MACF1: variants seen among roughly 807,000 people sequenced by gnomAD.
MACF1 encodes the protein microtubule-actin cross-linking factor 1.
A neutral mutation model predicts 854.8 loss-of-function variants in MACF1; 193 were observed. The ratio of observed to expected loss-of-function variants is 0.23; its 90% CI spans 0.20 to 0.25. The LOEUF is 0.25. Among genes scored for constraint, MACF1 ranks in the 10% least tolerant of loss-of-function variants. The pLI is 1.00. For synonymous variants in MACF1, 3,185 were observed against 3,226.7 expected, an observed-to-expected ratio of 0.99 and a Z score of 0.44; for missense variants, 7,722 against 8,929.1, an observed-to-expected ratio of 0.86 and a Z score of 5.45.
Position 39,336,027 on chromosome 1 carries a change from C to G in MACF1, c.9439C>G (p.Gln3147Glu). Residue 3147 changes from glutamine to glutamate, a missense_variant, in exon 37 of 101, where the codon CAA (glutamine) becomes GAA (glutamate). Coordinates refer to ENST00000564288, the MANE Select transcript of MACF1 (RefSeq NM_001394062.1). The part of the protein sequence containing the change: ...QGTTRQETNY[Q>E]DSWVTSKTKE... ...AACCACCAGACAGGAGACCAACTAT[C>G]AAGATTCCTGGGTTACTTCGAAAAC... 1 of 1,614,126 alleles carries G rather than the reference C, an allele frequency of 6.2e-7. No homozygotes were observed. Among genetic ancestry groups the G allele is most frequent in the South Asian group, 1.1e-5 (1 of 91,072 alleles).
chr1:39,456,307 C>T (rs933682736), intron 89 of MACF1, among the ~76,000 whole-genome samples: 7 of 152,160 alleles, frequency 4.6e-5, no homozygotes. Flanking sequence ...GCACTCCAGC[C>T]TGGGCGACAG....
intron 2 of MACF1, among the ~76,000 whole-genome samples, chr1:39,095,860 T>G: frequency 6.8e-6 from 1 of 147,820 alleles, no homozygotes; most frequent in African/African-American, 2.5e-5. Flanking sequence ...GGCAACAGAG[T>G]GAGATGGCTG....
intron 37 of MACF1, 88 bp downstream of exon 37, chr1:39,336,741 T>C (rs1343064047): frequency 8.6e-7 from 1 of 1,162,880 alleles, no homozygotes; most frequent in Non-Finnish European, 1.2e-6. Context: ...TTTACATATG[T>C]GTAATTGTAT....
At chr1:39,181,127 C>T (rs1263579032) in intron 2 of MACF1, among the ~76,000 whole-genome samples, 4 of 152,180 alleles carry the variant, frequency 2.6e-5, no homozygotes, top group Admixed American at 2.0e-4. Flanking sequence ...AGGCTGGCTT[C>T]GAACTCCTGG....
chr1:39,401,183 G>C (rs1047177533), intron 58 of MACF1, among the ~76,000 whole-genome samples: 2 of 152,056 alleles, frequency 1.3e-5, no homozygotes, highest in African/African-American at 4.8e-5. Context: ...AGGTTTTTCT[G>C]AGACCATTTT....
chr1:39,410,689 C>A, intron 58 of MACF1: 1 of 1,613,838 alleles, frequency 6.2e-7, no homozygotes, highest in Non-Finnish European at 8.5e-7. Flanking sequence ...ACCCAACTTC[C>A]CAGAATTTGC....
In MACF1 at chr1:39,357,511, T is replaced by C. The variant is rs761934107; in HGVS notation, c.11561T>C (p.Leu3854Pro). ...QQMLQQKLGE[L>P]KEQYSTSLAQ... ...ATGCTGCAACAGAAGCTGGGAGAGC[T>C]AAAGGAACAATACTCTACTTCCCTG... Residue 3854 changes from leucine (L) to proline (P), a missense_variant, in exon 45 of 101, where the codon CTA (leucine) becomes CCA (proline). Physicochemically the swap from Leu to Pro is moderately conservative, Grantham distance 98 (BLOSUM62 -3). Coordinates refer to ENST00000564288, the MANE Select transcript of MACF1 (RefSeq NM_001394062.1). The C allele has an allele frequency of 6.2e-7, 1 of 1,614,016 alleles. No homozygotes were observed. The highest frequency in any genetic ancestry group is 8.5e-7 in the Non-Finnish European group (1 of 1,180,006).
chr1:39,130,724 T>C (rs1379162373), intron 2 of MACF1, among the ~76,000 whole-genome samples: 1 of 152,210 alleles, frequency 6.6e-6, no homozygotes, highest in African/African-American at 2.4e-5. Context: ...AGTGAAAATA[T>C]TTTCAGAGAT....
chr1:39,293,748 A>G (rs530094768), intron 18 of MACF1, 129 bp downstream of exon 18: 9 of 708,866 alleles, frequency 1.3e-5, no homozygotes, highest in African/African-American at 5.4e-5. Context: ...GCCCTACTCA[A>G]TGCATCCATG....
At chr1:39,122,964 G>T (rs1319330345) in intron 2 of MACF1, among the ~76,000 whole-genome samples, 1 of 152,064 alleles carries the variant, frequency 6.6e-6, no homozygotes, top group Non-Finnish European at 1.5e-5. Flanking sequence ...GGTGGGGTCT[G>T]GGAGGGGAGA....
chr1:39,159,269 C>T (rs1490807622), intron 2 of MACF1, among the ~76,000 whole-genome samples: 2 of 152,218 alleles, frequency 1.3e-5, no homozygotes, highest in African/African-American at 4.8e-5. Context: ...GAAATGTCCC[C>T]TGTATTCTTG....
chr1:39,177,740 G>A (rs1297329158), intron 2 of MACF1, among the ~76,000 whole-genome samples: 1 of 151,896 alleles, frequency 6.6e-6, no homozygotes, highest in African/African-American at 2.4e-5. Flanking sequence ...GTTTTGCTCC[G>A]GGCACTATTT....
At chr1:39,273,736 G>A (rs906363986) in intron 6 of MACF1, among the ~76,000 whole-genome samples, 33 of 152,036 alleles carry the variant, frequency 2.2e-4, no homozygotes, top group African/African-American at 7.5e-4. Flanking sequence ...GACTACAGGC[G>A]CCTGCCACCA....
intron 55 of MACF1, among the ~76,000 whole-genome samples, chr1:39,381,065 A>AT (rs971635073): frequency 3.3e-5 from 5 of 150,622 alleles, no homozygotes; most frequent in East Asian, 1.9e-4. Flanking sequence ...ATTTAATTAA[A>AT]TTTTTTTTTT....
At chr1:39,312,740 A>C (rs1301910447) in intron 26 of MACF1, among the ~76,000 whole-genome samples, 1 of 152,048 alleles carries the variant, frequency 6.6e-6, no homozygotes, top group East Asian at 1.9e-4. Flanking sequence ...TATGAGAATC[A>C]CTTGAACCCG....
intron 2 of MACF1, among the ~76,000 whole-genome samples, chr1:39,129,113 A>C (rs1039503231): frequency 6.6e-6 from 1 of 152,140 alleles, no homozygotes; most frequent in African/African-American, 2.4e-5. Context: ...AGGTGCTTAG[A>C]GCCGGAAGCC....
At chr1:39,358,313 T>G (rs530656618) in intron 45 of MACF1, among the ~76,000 whole-genome samples, 2 of 152,338 alleles carry the variant, frequency 1.3e-5, no homozygotes, top group South Asian at 4.1e-4. Context: ...ACTTGCTCGC[T>G]CTTCTAAAGT....
chr1:39,419,795 G>T, intron 58 of MACF1, among the ~76,000 whole-genome samples: 1 of 139,400 alleles, frequency 7.2e-6, no homozygotes, highest in African/African-American at 2.9e-5. Flanking sequence ...ACCATGCCTG[G>T]CTAGTGTGTG....
chr1:39,322,840 T>G, intron 32 of MACF1, 70 bp from the exon 33 acceptor site: 1 of 1,531,804 alleles, frequency 6.5e-7, no homozygotes, highest in African/African-American at 1.4e-5. Context: ...GAACATTTCC[T>G]CTTATTTTGA....
Sources: gnomAD v4.1 joint callset for allele counts (sites outside exome capture counted in the v4.1 genomes callset) on GRCh38, gnomAD v4.1.1 for gene constraint, MANE v1.5 for transcripts, NCBI Gene and HGNC (gene_info 2026-07-23, HGNC 2026-07-21) for gene names.